DLC1: variants seen among roughly 807,000 people sequenced by gnomAD.
DLC1 encodes rho GTPase-activating protein 7.
DLC1 carries 54 observed loss-of-function variants against 140.3 expected under a neutral mutation model. The ratio of observed to expected loss-of-function variants is 0.38; its 90% CI spans 0.31 to 0.48. The LOEUF is 0.48. Among genes scored for constraint, DLC1 ranks in the 20% least tolerant of loss-of-function variants. The probability of loss-of-function intolerance (pLI) is 0.96; values close to 1 mark genes in which losing one functional copy is unlikely to be tolerated. For missense variants in DLC1, 2,536 were observed against 1,907.0 expected (o/e 1.33, Z -6.14); for synonymous variants, 986 against 728.1 (o/e 1.35, Z -5.70).
At chr8:13,489,927 G>T (rs544541428) in intron 2 of DLC1, among the ~76,000 whole-genome samples, 1 of 152,214 alleles carries the variant, frequency 6.6e-6, no homozygotes, top group South Asian at 2.1e-4. Context: ...ATTGTTCTAG[G>T]TGCTGTACTA....
chr8:13,264,906 T>C (rs1038738503), intron 5 of DLC1, among the ~76,000 whole-genome samples: 2 of 152,302 alleles, frequency 1.3e-5, no homozygotes, highest in East Asian at 1.9e-4. Flanking sequence ...GGGATACAAC[T>C]GCATGGCCCA....
chr8:13,144,730 A>G (rs759368671), intron 5 of DLC1, among the ~76,000 whole-genome samples: 4 of 152,184 alleles, frequency 2.6e-5, no homozygotes, highest in Non-Finnish European at 4.4e-5. Context: ...GCACCACTGC[A>G]CTCCAGCCTG....
At chr8:13,566,282 C>A (rs1804424938) in intron 1 of DLC1, among the ~76,000 whole-genome samples, 3 of 152,200 alleles carry the variant, frequency 2.0e-5, no homozygotes, top group East Asian at 3.9e-4. Flanking sequence ...CGTGGATATG[C>A]TAGCCAGAGG....
intron 5 of DLC1, among the ~76,000 whole-genome samples, chr8:13,273,374 A>G (rs1477782409): frequency 6.6e-6 from 1 of 152,218 alleles, no homozygotes; most frequent in East Asian, 1.9e-4. Context: ...CTTTTAGCAA[A>G]GAAGACAGAG....
intron 5 of DLC1, among the ~76,000 whole-genome samples, chr8:13,281,729 G>A (rs1831372754): frequency 6.6e-6 from 1 of 152,182 alleles, no homozygotes; most frequent in Admixed American, 6.5e-5. Flanking sequence ...ATCTATATGG[G>A]AAGAGGCTGC....
chr8:13,329,484 A>G (rs908057011), intron 4 of DLC1, among the ~76,000 whole-genome samples: 2 of 152,128 alleles, frequency 1.3e-5, no homozygotes, highest in African/African-American at 4.8e-5. Context: ...CCTAATCTAT[A>G]TATGGTAAAT....
chr8:13,603,142 G>C (rs1805942802), intron 1 of DLC1, among the ~76,000 whole-genome samples: 1 of 151,712 alleles, frequency 6.6e-6, no homozygotes, highest in South Asian at 2.1e-4. Flanking sequence ...TAAAATAAAA[G>C]AACTCTTAAG....
intron 1 of DLC1, among the ~76,000 whole-genome samples, chr8:13,581,302 G>GA (rs1488213149): frequency 2.0e-5 from 3 of 152,044 alleles, no homozygotes; most frequent in African/African-American, 7.2e-5. Flanking sequence ...TCATTCAGAG[G>GA]AAAAAACGGA....
At chr8:13,261,013 G>A (rs1465466883) in intron 5 of DLC1, among the ~76,000 whole-genome samples, 1 of 152,166 alleles carries the variant, frequency 6.6e-6, no homozygotes, top group Admixed American at 6.5e-5. Flanking sequence ...CGTTGATTAA[G>A]TCATTCAACA....
intron 5 of DLC1, among the ~76,000 whole-genome samples, chr8:13,218,509 A>T (rs992972418): frequency 1.3e-5 from 2 of 152,044 alleles, no homozygotes; most frequent in Admixed American, 6.6e-5. Flanking sequence ...AATGCCTAAC[A>T]TACATGAAAA....
intron 1 of DLC1, among the ~76,000 whole-genome samples, chr8:13,541,102 A>G (rs1052531716): frequency 2.0e-5 from 3 of 152,158 alleles, no homozygotes; most frequent in African/African-American, 7.2e-5. Flanking sequence ...TCTGTTTTTG[A>G]CACCTGTCCA....
rs993704136 is a variant in DLC1 at position 13,288,338 on chromosome 8, T to C, written c.1348+16931A>G. On this transcript the variant is annotated intron_variant, in intron 5 of 17. Coordinates refer to ENST00000276297, the MANE Select transcript of DLC1 (RefSeq NM_182643.3). ...CGGATTAATAAGAATTAGTATTCCT[T>C]GTAAAAATTATAATCACTCTTTGAG... is the stretch of plus-strand genomic sequence containing the variant. Among the ~76,000 whole-genome samples the C allele has an allele frequency of 1.2e-4, 18 of 152,230 alleles. 1 individual carries two copies. The highest frequency in any genetic ancestry group is 4.1e-4 in the African/African-American group (17 of 41,466).
chr8:13,328,155 G>A (rs776154522), intron 4 of DLC1, among the ~76,000 whole-genome samples: 5 of 152,122 alleles, frequency 3.3e-5, no homozygotes, highest in Non-Finnish European at 7.3e-5. Context: ...GCACCTATAC[G>A]TGGGTTTTAA....
intron 4 of DLC1, among the ~76,000 whole-genome samples, chr8:13,305,779 A>T (rs1832393315): frequency 6.6e-6 from 1 of 152,202 alleles, no homozygotes; most frequent in Admixed American, 6.5e-5. Context: ...TCAAAGCTGC[A>T]GTGAGCTATG....
chr8:13,180,387 A>C (rs144697007), intron 5 of DLC1, among the ~76,000 whole-genome samples: 25 of 152,316 alleles, frequency 1.6e-4, no homozygotes, highest in African/African-American at 6.0e-4. Context: ...CCAAATATCA[A>C]AGAAACATTA....
In DLC1 at chr8:13,405,917, T is replaced by TTTTCTTTTCTTTCTTTC. The variant is rs1491226520; in HGVS notation, c.1024-4299_1024-4298insGAAAGAAAGAAAAGAAA. Among the ~76,000 whole-genome samples the TTTTCTTTTCTTTCTTTC allele has an allele frequency of 2.4e-4, 20 of 84,944 alleles. No homozygotes were observed. The South Asian group carries it at 2.4e-3, about 10-fold the overall frequency. 55.7% of individuals were successfully genotyped at this position (84,944 alleles called of 152,430 possible). A position where few individuals can be genotyped will look rare whatever the true frequency, so the allele number is the denominator to read the frequency against. On this transcript the variant is annotated intron_variant, in intron 2 of 17. Coordinates refer to ENST00000276297, the MANE Select transcript of DLC1 (RefSeq NM_182643.3). ...TCTTTCTTTTTCTTTCTTTCTTTTC[T>TTTTCTTTTCTTTCTTTC]TTTCTTTCTTTCTTTCTTTCTTTCT...
chr8:13,423,882 C>G (rs988587989), intron 2 of DLC1, among the ~76,000 whole-genome samples: 9 of 152,090 alleles, frequency 5.9e-5, no homozygotes, highest in African/African-American at 1.4e-4. Flanking sequence ...ACTGAAAGCT[C>G]TGATCCATTA....
At chr8:13,513,554 A>G (rs1802470409) in intron 1 of DLC1, among the ~76,000 whole-genome samples, 1 of 152,246 alleles carries the variant, frequency 6.6e-6, no homozygotes, top group East Asian at 1.9e-4. Context: ...TTTTGTATTC[A>G]TCTAATAGAT....
chr8:13,550,699 AAC>A (rs1470713669), intron 1 of DLC1, among the ~76,000 whole-genome samples: 2 of 152,120 alleles, frequency 1.3e-5, no homozygotes, highest in African/African-American at 4.8e-5. Context: ...TTAAAGCTTA[AAC>A]ACTGCTGAAT....
Sources: gnomAD v4.1 joint callset for allele counts (sites outside exome capture counted in the v4.1 genomes callset) on GRCh38, gnomAD v4.1.1 for gene constraint, MANE v1.5 for transcripts, NCBI Gene and HGNC (gene_info 2026-07-23, HGNC 2026-07-21) for gene names.